Variants in ATP2B1 observed in about 807,000 individuals in gnomAD.
The protein encoded by ATP2B1 is ATPase plasma membrane Ca2+ transporting 1.
ATP2B1 carries 14 observed loss-of-function variants against 124.2 expected under a neutral mutation model. That is an observed-to-expected ratio of 0.11 (90% confidence interval 0.07 to 0.18). The LOEUF (loss-of-function observed/expected upper bound fraction) is 0.18, where lower values mean the gene tolerates loss of function less well. ATP2B1 is among the 10% of genes least tolerant of loss of function. The probability of loss-of-function intolerance (pLI) is 1.00; values close to 1 mark genes in which losing one functional copy is unlikely to be tolerated. For synonymous variants in ATP2B1, 449 were observed against 492.4 expected (o/e 0.91, Z 1.17); for missense variants, 763 against 1,466.1 (o/e 0.52, Z 7.83).
chr12:89,588,797 A>G lies in ATP2B1; in HGVS notation c.*2187T>C, dbSNP rs533058071. 7 of 152,746 alleles carry G rather than the reference A, an allele frequency of 4.6e-5. No homozygotes were observed. The East Asian group carries it at 5.8e-4, about 13-fold the overall frequency. The allele number at this position is 152,746 out of a possible 1,614,324, so 9.5% of individuals were successfully genotyped here. On this transcript the variant is annotated 3_prime_UTR_variant, in exon 21 of 21. Coordinates refer to ENST00000428670, the MANE Select transcript of ATP2B1 (RefSeq NM_001366521.1). ...TAAATCTTTTGGTAATTACATTCAT[A>G]TTTAAGCATAACCAAAATAAAAAAG...
intron 1 of ATP2B1, among the ~76,000 whole-genome samples, chr12:89,690,037 C>T (rs1178407868): frequency 6.6e-6 from 1 of 151,990 alleles, no homozygotes; most frequent in African/African-American, 2.4e-5. Context: ...CAGTTATGAA[C>T]TTTCTGTATG....
intron 1 of ATP2B1, among the ~76,000 whole-genome samples, chr12:89,697,811 C>T (rs543515770): frequency 6.6e-6 from 1 of 151,414 alleles, no homozygotes; most frequent in African/African-American, 2.4e-5. Flanking sequence ...CCCTCAAATC[C>T]TTCATCTCCA....
chr12:89,675,539 A>G (rs971893657), intron 1 of ATP2B1, among the ~76,000 whole-genome samples: 2 of 152,192 alleles, frequency 1.3e-5, no homozygotes, highest in Non-Finnish European at 2.9e-5. Flanking sequence ...GTCGAACACA[A>G]GTTAGGCACT....
chr12:89,624,726 T>C (rs1429342239), intron 8 of ATP2B1, among the ~76,000 whole-genome samples: 7 of 152,168 alleles, frequency 4.6e-5, no homozygotes, highest in East Asian at 1.9e-4. Flanking sequence ...AAACTGGTGC[T>C]TTATATGTTC....
At chr12:89,676,839 A>G (rs928640275) in intron 1 of ATP2B1, among the ~76,000 whole-genome samples, 1 of 152,204 alleles carries the variant, frequency 6.6e-6, no homozygotes, top group Non-Finnish European at 1.5e-5. Flanking sequence ...CATTGTTAAA[A>G]GAATAATTCC....
intron 2 of ATP2B1, among the ~76,000 whole-genome samples, chr12:89,653,195 A>G (rs535391812): frequency 6.6e-6 from 1 of 152,134 alleles, no homozygotes; most frequent in Non-Finnish European, 1.5e-5. Context: ...GAAGAACATG[A>G]GCAAAAACTG....
At chr12:89,666,318 C>T (rs77746315) in intron 1 of ATP2B1, among the ~76,000 whole-genome samples, 3,830 of 152,322 alleles carry the variant, frequency 0.025, 68 homozygotes, top group Non-Finnish European at 0.039. Context: ...GTTTCACACA[C>T]TCTTGACCTT....
intron 2 of ATP2B1, among the ~76,000 whole-genome samples, chr12:89,653,906 T>C (rs1402536638): frequency 6.6e-6 from 1 of 152,146 alleles, no homozygotes; most frequent in Admixed American, 6.5e-5. Context: ...AATAGAGAAA[T>C]GCAAGGACCT....
In ATP2B1 at chr12:89,616,962, A is replaced by G; in HGVS notation, c.1907T>C (p.Val636Ala). ...PRDRDDIVKT[V>A]IEPMASEGLR... ...GCCTTCTGATGCCATCGGTTCAATC[A>G]CAGTTTTTACAATATCATCACGGTC... Residue 636 changes from valine to alanine, a missense_variant, in exon 12 of 21, where the codon GTG becomes GCG. Val to Ala is a moderately conservative substitution (Grantham distance 64, BLOSUM62 0). Coordinates refer to ENST00000428670, the MANE Select transcript of ATP2B1 (RefSeq NM_001366521.1). The G allele has an allele frequency of 6.2e-7, 1 of 1,614,114 alleles. No individual in the cohort carries two copies. Among genetic ancestry groups the G allele is most frequent in the Non-Finnish European group, 8.5e-7 (1 of 1,179,988 alleles).
chr12:89,638,205 T>A (rs190605561), intron 3 of ATP2B1, among the ~76,000 whole-genome samples: 1 of 152,276 alleles, frequency 6.6e-6, no homozygotes, highest in African/African-American at 2.4e-5. Context: ...AGCTCAAATA[T>A]AATAATAAAA....
chr12:89,611,119 A>T lies in ATP2B1; in HGVS notation c.2247+74T>A, dbSNP rs1440664108. 4 of 1,359,752 alleles carry T rather than the reference A, an allele frequency of 2.9e-6. No homozygotes were observed. The African/African-American group carries it at 5.9e-5, about 20-fold the overall frequency. 84.2% of individuals were successfully genotyped at this position (1,359,752 alleles called of 1,614,324 possible). A position where few individuals can be genotyped will look rare whatever the true frequency, so the allele number is the denominator to read the frequency against. On this transcript the variant is annotated intron_variant, in intron 13 of 20. Transcript: ENST00000428670. ...GTGCCTAACACAGTGCATATTCAAT[A>T]TGTGTTTGTTGAGTTAAATTCCTAA...
chr12:89,611,047 CT>C (rs1393608398), intron 13 of ATP2B1, 145 bp downstream of exon 13: 4 of 651,640 alleles, frequency 6.1e-6, no homozygotes, highest in Non-Finnish European at 9.7e-6. Context: ...CCTTAGAACA[CT>C]AGTATTTTGC....
intron 1 of ATP2B1, among the ~76,000 whole-genome samples, chr12:89,659,688 C>A (rs542369985): frequency 6.6e-6 from 1 of 151,854 alleles, no homozygotes; most frequent in Non-Finnish European, 1.5e-5. Flanking sequence ...TTTGGGAGGC[C>A]GAGGCGGGCG....
At chr12:89,645,187 A>C (rs1423154097) in intron 2 of ATP2B1, among the ~76,000 whole-genome samples, 2 of 152,230 alleles carry the variant, frequency 1.3e-5, no homozygotes, top group African/African-American at 4.8e-5. Flanking sequence ...ACAGTTCATA[A>C]ATCATAAACA....
intron 1 of ATP2B1, among the ~76,000 whole-genome samples, chr12:89,674,321 G>C (rs1888357482): frequency 6.6e-6 from 1 of 151,132 alleles, no homozygotes; most frequent in Non-Finnish European, 1.5e-5. Flanking sequence ...GTTCACACAG[G>C]GTTCAAAGCA....
chr12:89,599,362 G>T, intron 19 of ATP2B1, 63 bp from the exon 20 acceptor site: 1 of 1,536,580 alleles, frequency 6.5e-7, no homozygotes, highest in South Asian at 1.2e-5. Flanking sequence ...CTGATCAACT[G>T]TAATACTAAA....
intron 19 of ATP2B1, among the ~76,000 whole-genome samples, chr12:89,600,497 T>C (rs1436663684): frequency 1.3e-5 from 2 of 152,292 alleles, no homozygotes; most frequent in East Asian, 1.9e-4. Context: ...CTTTATTTCA[T>C]ATATACACTG....
At chr12:89,594,117 T>A (rs967943099) in intron 20 of ATP2B1, 2 of 152,022 alleles carry the variant, frequency 1.3e-5, no homozygotes, top group South Asian at 4.1e-4. Flanking sequence ...CGAAAGCAAT[T>A]CAATTTTCAA....
intron 15 of ATP2B1, among the ~76,000 whole-genome samples, chr12:89,605,157 A>T (rs1260776052): frequency 6.6e-6 from 1 of 152,208 alleles, no homozygotes; most frequent in Non-Finnish European, 1.5e-5. Flanking sequence ...CAAAAGGAAT[A>T]ATCTTCAGGA....
Sources: gnomAD v4.1 joint callset for allele counts (sites outside exome capture counted in the v4.1 genomes callset) on GRCh38, gnomAD v4.1.1 for gene constraint, MANE v1.5 for transcripts, NCBI Gene and HGNC (gene_info 2026-07-23, HGNC 2026-07-21) for gene names.